AHCYL2: variants seen among roughly 807,000 people sequenced by gnomAD.
AHCYL2 encodes the protein adenosylhomocysteinase like 2.
A neutral mutation model predicts 81.4 loss-of-function variants in AHCYL2; 28 were observed. The observed-to-expected ratio is 0.34, with a 90% confidence interval of 0.25 to 0.47. The LOEUF (loss-of-function observed/expected upper bound fraction) is 0.47, where lower values mean the gene tolerates loss of function less well. Ranked by LOEUF, AHCYL2 falls within the 20% of genes least tolerant of loss-of-function variation. The pLI is 1.00. For synonymous variants in AHCYL2, 272 were observed against 290.2 expected (o/e 0.94, Z 0.64); for missense variants, 551 against 785.1 (o/e 0.70, Z 3.56).
rs148756034 is a variant in AHCYL2, at chr7:129,234,433, C to T, written c.363+8994C>T. On this transcript the variant is annotated intron_variant, in intron 1 of 16. Transcript: ENST00000325006. The stretch of plus-strand genomic sequence containing the variant: ...CTAATTTTTGTATTTTTAGTAGAGA[C>T]GGGGTTTCACCAGGTTGGCCAGGCT... 3.3e-3 allele frequency among the ~76,000 whole-genome samples: 503 copies of T among 152,130 alleles called. 3 individuals carry two copies. The highest frequency in any genetic ancestry group is 0.011 in the African/African-American group (471 of 41,486).
chr7:129,328,847 C>T (rs1401107466), intron 1 of AHCYL2, among the ~76,000 whole-genome samples: 1 of 152,150 alleles, frequency 6.6e-6, no homozygotes, highest in Non-Finnish European at 1.5e-5. Context: ...TTATGACATC[C>T]CTAATCAGTA....
At chr7:129,258,092 A>G (rs1193383163) in intron 1 of AHCYL2, among the ~76,000 whole-genome samples, 2 of 152,170 alleles carry the variant, frequency 1.3e-5, no homozygotes, top group Admixed American at 6.5e-5. Context: ...TTAGGAGGAC[A>G]CCTACAGATC....
At chr7:129,228,472 A>G (rs1439252342) in intron 1 of AHCYL2, among the ~76,000 whole-genome samples, 1 of 152,202 alleles carries the variant, frequency 6.6e-6, no homozygotes, top group Non-Finnish European at 1.5e-5. Flanking sequence ...TTATGTGGCT[A>G]TGATATATTT....
At chr7:129,262,676 G>A (rs980018871) in intron 1 of AHCYL2, among the ~76,000 whole-genome samples, 6 of 152,098 alleles carry the variant, frequency 3.9e-5, no homozygotes, top group Non-Finnish European at 7.4e-5. Flanking sequence ...CCTAATGCTG[G>A]GCAGCAAGGG....
At chr7:129,317,428 A>C (rs1797860970) in intron 1 of AHCYL2, among the ~76,000 whole-genome samples, 1 of 152,212 alleles carries the variant, frequency 6.6e-6, no homozygotes, top group South Asian at 2.1e-4. Context: ...AGGAGTAGGC[A>C]GGGAGAGCTT....
intron 12 of AHCYL2, among the ~76,000 whole-genome samples, chr7:129,415,014 A>C (rs892478211): frequency 1.3e-5 from 2 of 152,172 alleles, no homozygotes; most frequent in African/African-American, 4.8e-5. Context: ...AGAACAACCT[A>C]CCAAAGCCCC....
chr7:129,332,623 A>G (rs968763727), intron 1 of AHCYL2, among the ~76,000 whole-genome samples: 2 of 152,224 alleles, frequency 1.3e-5, no homozygotes, highest in African/African-American at 4.8e-5. Context: ...TTCACTAGAA[A>G]ATCCTTCTTC....
intron 12 of AHCYL2, among the ~76,000 whole-genome samples, chr7:129,416,217 T>C (rs544869447): frequency 1.3e-5 from 2 of 152,152 alleles, no homozygotes; most frequent in Non-Finnish European, 2.9e-5. Context: ...AGTAACCTCC[T>C]AGGATAAAGA....
chr7:129,262,114 T>G (rs1411639436), intron 1 of AHCYL2, among the ~76,000 whole-genome samples: 1 of 152,216 alleles, frequency 6.6e-6, no homozygotes, highest in Non-Finnish European at 1.5e-5. Context: ...CATTAGATTC[T>G]TGGGCTCCAA....
At chr7:129,231,257 A>AT (rs1302897098) in intron 1 of AHCYL2, among the ~76,000 whole-genome samples, 2 of 152,070 alleles carry the variant, frequency 1.3e-5, no homozygotes, top group Non-Finnish European at 2.9e-5. Flanking sequence ...GAAAAAAAAA[A>AT]GCTGCTTTAG....
chr7:129,356,575 A>G (rs942294807), intron 1 of AHCYL2, among the ~76,000 whole-genome samples: 1 of 152,210 alleles, frequency 6.6e-6, no homozygotes, highest in African/African-American at 2.4e-5. Flanking sequence ...GTATTAGAAC[A>G]TAGGCATCTT....
intron 1 of AHCYL2, among the ~76,000 whole-genome samples, chr7:129,299,877 A>AAG (rs1797199172): frequency 6.6e-6 from 1 of 152,232 alleles, no homozygotes; most frequent in Admixed American, 6.5e-5. Flanking sequence ...CCCACGGTTT[A>AAG]GATAATTTAA....
chr7:129,301,707 T>C (rs545625575), intron 1 of AHCYL2, among the ~76,000 whole-genome samples: 1 of 152,336 alleles, frequency 6.6e-6, no homozygotes, highest in South Asian at 2.1e-4. Flanking sequence ...TCTATTCTGT[T>C]CCATTGGTCT....
intron 1 of AHCYL2, among the ~76,000 whole-genome samples, chr7:129,332,478 T>C (rs1161191015): frequency 1.3e-5 from 2 of 152,202 alleles, no homozygotes; most frequent in East Asian, 3.8e-4. Context: ...GCAGATGAAA[T>C]ATGTTTAAAT....
intron 2 of AHCYL2, among the ~76,000 whole-genome samples, chr7:129,381,982 T>A (rs953948928): frequency 6.6e-6 from 1 of 152,278 alleles, no homozygotes; most frequent in African/African-American, 2.4e-5. Flanking sequence ...CCCCTTTGAG[T>A]GAATGGTTGT....
chr7:129,340,567 CAAAAA>C (rs569272896), intron 1 of AHCYL2, among the ~76,000 whole-genome samples: 1 of 82,222 alleles, frequency 1.2e-5, no homozygotes, highest in Non-Finnish European at 2.5e-5. Flanking sequence ...GACTCCGTCT[CAAAAA>C]AAAAAAAAAA....
intron 1 of AHCYL2, chr7:129,375,834 G>A (rs1217632957): frequency 6.5e-7 from 1 of 1,535,508 alleles, no homozygotes; most frequent in Non-Finnish European, 8.7e-7. Flanking sequence ...AGGGTCCCTG[G>A]ACCACAGAGG....
chr7:129,294,647 A>G (rs1796993284), intron 1 of AHCYL2, among the ~76,000 whole-genome samples: 1 of 152,200 alleles, frequency 6.6e-6, no homozygotes, highest in South Asian at 2.1e-4. Context: ...TATATCCACC[A>G]CAACACTGTA....
intron 1 of AHCYL2, among the ~76,000 whole-genome samples, chr7:129,341,528 C>A (rs577379441): frequency 5.9e-5 from 9 of 152,250 alleles, no homozygotes; most frequent in Non-Finnish European, 8.8e-5. Flanking sequence ...ATACTCTGAA[C>A]CCCTTCGTTA....
Sources: allele counts gnomAD v4.1 joint callset (sites outside exome capture counted in the v4.1 genomes callset), GRCh38; gene constraint gnomAD v4.1.1; transcripts MANE v1.5; gene names NCBI Gene and HGNC (gene_info 2026-07-23, HGNC 2026-07-21).